The following TPH1 variants were observed in gnomAD, a reference collection of about 807,000 sequenced individuals.
TPH1 encodes the protein tryptophan hydroxylase 1, also known as tryptophan 5-hydroxylase 1.
Under a neutral mutation model 49.5 loss-of-function variants are expected in TPH1, and 37 were observed. The ratio of observed to expected loss-of-function variants is 0.75; its 90% CI spans 0.58 to 0.98. The LOEUF (loss-of-function observed/expected upper bound fraction) is 0.98. TPH1 is among the 50% of genes least tolerant of loss of function. TPH1 has a pLI of 0.00. For synonymous variants in TPH1, 160 were observed against 182.1 expected, an observed-to-expected ratio of 0.88 and a Z score of 0.98; for missense variants, 487 against 523.6, an observed-to-expected ratio of 0.93 and a Z score of 0.68.
At chr11:18,021,562 G>A (rs577350465) in intron 10 of TPH1, among the ~76,000 whole-genome samples, 1 of 152,160 alleles carries the variant, frequency 6.6e-6, no homozygotes, top group South Asian at 2.1e-4. Context: ...CATAGTAACA[G>A]ATCCCTCAGT....
chr11:18,036,884 C>T (rs541450036), intron 2 of TPH1, among the ~76,000 whole-genome samples: 8 of 151,710 alleles, frequency 5.3e-5, no homozygotes, highest in Non-Finnish European at 7.4e-5. Context: ...GTAAGGGCTG[C>T]GAAGAATATA....
chr11:18,029,054 T>C, intron 6 of TPH1, 111 bp downstream of exon 6: 2 of 734,116 alleles, frequency 2.7e-6, no homozygotes, highest in Admixed American at 2.9e-5. Context: ...TACTCCAGCC[T>C]GGGCAACAGA....
Position 18,029,497 on chromosome 11 carries a change from T to C in TPH1, c.470+15A>G. 6.3e-7 allele frequency: 1 copy of C among 1,595,408 alleles called. No individual in the cohort carries two copies. The highest frequency in any genetic ancestry group is 2.2e-5 in the East Asian group (1 of 44,764). ...ATTATCTCAAAGTTGACTATATTTT[T>C]TTAAATATACTTACTGTTTATAGTT... On this transcript the variant is annotated intron_variant, in intron 5 of 10. Transcript: ENST00000682019.
intron 3 of TPH1, among the ~76,000 whole-genome samples, chr11:18,034,147 T>C (rs1485472575): frequency 6.6e-6 from 1 of 152,240 alleles, no homozygotes; most frequent in Non-Finnish European, 1.5e-5. Context: ...GGAGACTATA[T>C]CTTTTTGTAT....
intron 1 of TPH1, among the ~76,000 whole-genome samples, chr11:18,043,602 C>CA (rs1186865847): frequency 1.3e-5 from 2 of 150,130 alleles, no homozygotes; most frequent in East Asian, 3.9e-4. Context: ...GACTCCGTCT[C>CA]AAAAAACAAA....
chr11:18,032,072 G>A lies in TPH1; in HGVS notation c.402+1202C>T, dbSNP rs562159389. 2.3e-4 allele frequency among the ~76,000 whole-genome samples: 35 copies of A among 152,186 alleles called. 1 individual carries two copies. In the South Asian group the frequency reaches 6.6e-3, roughly 29 times the overall value. On this transcript the variant is annotated intron_variant, in intron 4 of 10. Coordinates refer to ENST00000682019, the MANE Select transcript of TPH1 (RefSeq NM_004179.3). ...TAATTGGACAGATCATCTAGTGGCTGTCTAAGGTAGTATAAAAAGGTCACA... is the reference window on the plus strand; with the variant it reads ...TAATTGGACAGATCATCTAGTGGCTATCTAAGGTAGTATAAAAAGGTCACA...
intron 2 of TPH1, 23 bp downstream of exon 2, chr11:18,040,623 G>T: frequency 6.2e-7 from 1 of 1,600,262 alleles, no homozygotes; most frequent in Non-Finnish European, 8.5e-7. Context: ...AGAATTCTGT[G>T]CAAAAATACA....
chr11:18,027,379 A>G (rs1847939973), intron 6 of TPH1, among the ~76,000 whole-genome samples: 2 of 152,230 alleles, frequency 1.3e-5, no homozygotes, highest in African/African-American at 2.4e-5. Context: ...GAAATGTTCC[A>G]TATCTGTGCT....
Position 18,026,443 on chromosome 11 carries a change from T to G in TPH1, c.803+47A>C, listed in dbSNP as rs551421440. ...GAACCCATAAGGTAGATGCCATTAT[T>G]ATAAATAACCATTTGATGAATTCCT... On this transcript the variant is annotated intron_variant, in intron 7 of 10. Transcript: ENST00000682019. 107 of 1,534,932 alleles carry G rather than the reference T, an allele frequency of 7.0e-5. 1 individual carries two copies. The South Asian group carries it at 1.1e-3, about 16-fold the overall frequency.
chr11:18,024,090 C>T (rs987055265), intron 8 of TPH1, 107 bp from the exon 9 acceptor site: 2 of 813,470 alleles, frequency 2.5e-6, no homozygotes, highest in Non-Finnish European at 4.2e-6. Context: ...AGTCCAAAAT[C>T]CCAGTCTAGT....
intron 3 of TPH1, among the ~76,000 whole-genome samples, chr11:18,034,550 G>A (rs998808756): frequency 8.5e-5 from 13 of 152,172 alleles, no homozygotes; most frequent in African/African-American, 3.1e-4. Flanking sequence ...GCATGGTGAG[G>A]AGCCCTCAAG....
intron 10 of TPH1, 39 bp from the exon 11 acceptor site, chr11:18,021,204 G>C (rs1854358164): frequency 1.3e-6 from 2 of 1,587,168 alleles, no homozygotes; most frequent in Non-Finnish European, 1.7e-6. Context: ...CAATTTCTAG[G>C]GAGTGAATGA....
intron 1 of TPH1, 164 bp from the exon 2 acceptor site, chr11:18,040,952 A>G (rs751453799): frequency 1.7e-6 from 1 of 579,350 alleles, no homozygotes; most frequent in Non-Finnish European, 2.9e-6. Flanking sequence ...AGACCAAAAT[A>G]AGATACAACT....
At chr11:18,039,535 A>G (rs1365759760) in intron 2 of TPH1, among the ~76,000 whole-genome samples, 1 of 152,244 alleles carries the variant, frequency 6.6e-6, no homozygotes, top group Non-Finnish European at 1.5e-5. Context: ...TTTAGTTCCT[A>G]TAAACAATAA....
intron 2 of TPH1, among the ~76,000 whole-genome samples, chr11:18,038,576 A>C (rs1158775048): frequency 6.6e-6 from 1 of 152,248 alleles, no homozygotes; most frequent in South Asian, 2.1e-4. Flanking sequence ...AGAATGAAAT[A>C]AAACAGGAAG....
chr11:18,036,196 CTT>C, intron 2 of TPH1, 54 bp from the exon 3 acceptor site: 2 of 1,378,854 alleles, frequency 1.5e-6, no homozygotes, highest in South Asian at 2.4e-5. Context: ...TGTTAATAGT[CTT>C]TGAGCAGGCT....
intron 1 of TPH1, chr11:18,042,250 A>G (rs1427394383): frequency 2.4e-6 from 1 of 408,412 alleles, no homozygotes; most frequent in Admixed American, 3.0e-5. Flanking sequence ...AAACTTAAGT[A>G]TACACAGAAA....
Position 18,035,948 on chromosome 11 carries a change from T to A in TPH1, c.301+11A>T, listed in dbSNP as rs1261338089. On this transcript the variant is annotated intron_variant, in intron 3 of 10. Coordinates refer to ENST00000682019, the MANE Select transcript of TPH1 (RefSeq NM_004179.3). ...CATCTTCTAAGTAGTATTTTCACATTTTGAACTTACCATCTTCCTTCAAAG... is the reference window on the plus strand; with the variant it reads ...CATCTTCTAAGTAGTATTTTCACATATTGAACTTACCATCTTCCTTCAAAG... The A allele has an allele frequency of 6.2e-7, 1 of 1,606,530 alleles. No individual in the cohort carries two copies. The highest frequency in any genetic ancestry group is 1.7e-5 in the Admixed American group (1 of 60,014).
intron 4 of TPH1, among the ~76,000 whole-genome samples, chr11:18,030,804 A>C (rs1194332410): frequency 2.0e-5 from 3 of 152,154 alleles, no homozygotes; most frequent in Non-Finnish European, 4.4e-5. Context: ...ACAAACAAAA[A>C]CAGCATGTTG....
Sources: allele counts gnomAD v4.1 joint callset (sites outside exome capture counted in the v4.1 genomes callset), GRCh38; gene constraint gnomAD v4.1.1; transcripts MANE v1.5; gene names NCBI Gene and HGNC (gene_info 2026-07-23, HGNC 2026-07-21).